SPRY3: variants seen among roughly 807,000 people sequenced by gnomAD.
The protein encoded by SPRY3 is sprouty RTK signaling antagonist 3.
In SPRY3, 15 loss-of-function variants were observed where a neutral mutation model predicts 20.2. The ratio of observed to expected loss-of-function variants is 0.74; its 90% CI spans 0.50 to 1.14. The LOEUF (loss-of-function observed/expected upper bound fraction) is 1.14, where lower values mean the gene tolerates loss of function less well. Ranked by LOEUF, SPRY3 falls within the 50% of genes most tolerant of loss-of-function variation. SPRY3 has a pLI of 0.00. For synonymous variants in SPRY3, 143 were observed against 136.5 expected (o/e 1.05, Z -0.33); for missense variants, 364 against 363.9 (o/e 1.00, Z 0.00).
At chrX:155,694,198 T>A (rs142585054) in intron 2 of SPRY3, among the ~76,000 whole-genome samples, 34 of 112,221 alleles carry the variant, frequency 3.0e-4, no homozygotes, top group Middle Eastern at 9.2e-3. Flanking sequence ...TTATTGTTCC[T>A]CCATTTCCCA....
chrX:155,761,685 C>T (rs766945640), intron 2 of SPRY3, among the ~76,000 whole-genome samples: 1 of 151,210 alleles, frequency 6.6e-6, no homozygotes, highest in Admixed American at 6.6e-5. Flanking sequence ...CATAAGTGTT[C>T]CCTTTTCTCT....
At chrX:155,769,448 C>T (rs187349407) in intron 3 of SPRY3, among the ~76,000 whole-genome samples, 9 of 152,140 alleles carry the variant, frequency 5.9e-5, no homozygotes, top group South Asian at 4.2e-4. Flanking sequence ...AGGACCAGAA[C>T]GGAGGTCATT....
intron 2 of SPRY3, among the ~76,000 whole-genome samples, chrX:155,696,484 C>T (rs1394907514): frequency 9.0e-6 from 1 of 111,133 alleles, no homozygotes; most frequent in Non-Finnish European, 1.9e-5. Context: ...AAATCATTTT[C>T]CCAGAAGTCA....
intron 1 of SPRY3, among the ~76,000 whole-genome samples, chrX:155,613,508 C>CA (rs1182891169): frequency 4.5e-5 from 5 of 110,568 alleles, no homozygotes; most frequent in Non-Finnish European, 9.5e-5. Flanking sequence ...GTAAGAACAA[C>CA]AAAAAAAATC....
At chrX:155,636,591 A>ATGTG (rs2124533067) in intron 1 of SPRY3, among the ~76,000 whole-genome samples, 1 of 110,751 alleles carries the variant, frequency 9.0e-6, no homozygotes, top group South Asian at 3.8e-4. Context: ...GTATGTATGT[A>ATGTG]TGTATGTACG....
At position 155,616,100 on chromosome X, in the gene SPRY3, G is replaced by GTCTCTCTCCCTCTCTCTCTC. The variant is rs1557348835; in HGVS notation, c.-441+3461_-441+3462insCCTCTCTCTCTCTCTCTCTC. Among the ~76,000 whole-genome samples the GTCTCTCTCCCTCTCTCTCTC allele has an allele frequency of 3.5e-4, 15 of 42,878 alleles. 1 individual carries two copies. The highest frequency in any genetic ancestry group is 3.0e-3 in the South Asian group (2 of 668). The allele number at this position is 42,878 out of a possible 115,157, so 37.2% of individuals were successfully genotyped here. A position where few individuals can be genotyped will look rare whatever the true frequency, so the allele number is the denominator to read the frequency against. Reference sequence around the variant, plus strand: ...ATTTTTCCCTGCACATTTATCTGGGGTCTCTCTCTCTCTCTCTCTCTCTCT... The same window carrying GTCTCTCTCCCTCTCTCTCTC: ...ATTTTTCCCTGCACATTTATCTGGGGTCTCTCTCCCTCTCTCTCTCTCTCTCTCTCTCTCTCTCTCTCTCT... On this transcript the variant is annotated intron_variant, in intron 1 of 3. Coordinates refer to ENST00000675360, the Ensembl canonical transcript of SPRY3.
At chrX:155,767,380 C>T (rs758932003) in intron 2 of SPRY3, among the ~76,000 whole-genome samples, 3 of 152,188 alleles carry the variant, frequency 2.0e-5, no homozygotes, top group East Asian at 1.9e-4. Flanking sequence ...CACTCCCTGC[C>T]CCCACTGCAG....
chrX:155,727,000 T>C (rs2091102739), intron 2 of SPRY3, among the ~76,000 whole-genome samples: 1 of 152,130 alleles, frequency 6.6e-6, no homozygotes, highest in African/African-American at 2.4e-5. Flanking sequence ...TCAGGCCTGG[T>C]GGTGACAAAT....
At chrX:155,667,875 A>G (rs1447302166) in intron 2 of SPRY3, among the ~76,000 whole-genome samples, 1 of 111,591 alleles carries the variant, frequency 9.0e-6, no homozygotes, top group Non-Finnish European at 1.9e-5. Context: ...ACAAAACATA[A>G]TTATTCATCA....
intron 2 of SPRY3, among the ~76,000 whole-genome samples, chrX:155,746,515 T>C (rs950405037): frequency 6.6e-6 from 1 of 152,050 alleles, no homozygotes; most frequent in Non-Finnish European, 1.5e-5. Flanking sequence ...ATTTAAATTT[T>C]CAACAGTAAC....
At chrX:155,720,088 A>G (rs555652) in intron 2 of SPRY3, among the ~76,000 whole-genome samples, 89,677 of 151,846 alleles carry the variant, frequency 0.59, 27,438 homozygotes, top group African/African-American at 0.88. Flanking sequence ...TAAGTCCCAG[A>G]CCAGGCAGCA....
At chrX:155,692,559 G>A (rs1372106544) in intron 2 of SPRY3, among the ~76,000 whole-genome samples, 2 of 111,106 alleles carry the variant, frequency 1.8e-5, no homozygotes. Context: ...ACTTGTCAAT[G>A]TTTATAGAAA....
At chrX:155,684,011 C>T (rs939789997) in intron 2 of SPRY3, among the ~76,000 whole-genome samples, 10 of 109,640 alleles carry the variant, frequency 9.1e-5, no homozygotes, top group African/African-American at 3.3e-4. Flanking sequence ...AAGATGGGGG[C>T]CGACAGGTGG....
chrX:155,653,362 T>G (rs1174298888), intron 1 of SPRY3, among the ~76,000 whole-genome samples: 3 of 112,104 alleles, frequency 2.7e-5, no homozygotes, highest in Non-Finnish European at 5.6e-5. Flanking sequence ...CTTCTAATAT[T>G]GGTACAGTTT....
intron 2 of SPRY3, among the ~76,000 whole-genome samples, chrX:155,657,036 A>C (rs781862315): frequency 9.0e-6 from 1 of 110,723 alleles, no homozygotes; most frequent in Non-Finnish European, 1.9e-5. Flanking sequence ...GTATCTGTCA[A>C]CCCCTCTTGG....
rs1412832427 is a variant in SPRY3, at chrX:155,660,399, T to A, written c.-282+3374T>A. ...GGTCTGAGAAGATATTTAACAGGAT[T>A]TTGATTTTTCAAATTTATTGAGACT... On this transcript the variant is annotated intron_variant, in intron 2 of 3. Transcript: ENST00000675360. Among the ~76,000 whole-genome samples, 3 of 112,158 alleles carry A rather than the reference T, an allele frequency of 2.7e-5. No individual in the cohort carries two copies. The Admixed American group carries it at 2.8e-4, about 11-fold the overall frequency.
chrX:155,717,929 C>G (rs901257989), intron 2 of SPRY3, among the ~76,000 whole-genome samples: 3 of 151,588 alleles, frequency 2.0e-5, no homozygotes, highest in Admixed American at 2.0e-4. Flanking sequence ...TAGGTCCTGC[C>G]CTATGCTCCA....
At chrX:155,640,417 A>G (rs1023453892) in intron 1 of SPRY3, among the ~76,000 whole-genome samples, 1 of 112,701 alleles carries the variant, frequency 8.9e-6, no homozygotes, top group Non-Finnish European at 1.9e-5. Context: ...TGTCTGTCTG[A>G]AATGGTGGGC....
chrX:155,715,399 C>T, intron 2 of SPRY3, among the ~76,000 whole-genome samples: 1 of 152,210 alleles, frequency 6.6e-6, no homozygotes, highest in Non-Finnish European at 1.5e-5. Flanking sequence ...ATGGGTGCCT[C>T]ACAACTCTGC....
Sources: gnomAD v4.1 joint callset for allele counts (sites outside exome capture counted in the v4.1 genomes callset) on GRCh38, gnomAD v4.1.1 for gene constraint, MANE v1.5 for transcripts, NCBI Gene and HGNC (gene_info 2026-07-23, HGNC 2026-07-21) for gene names.